ZNF730: variants seen among roughly 807,000 people sequenced by gnomAD.
ZNF730 encodes the protein putative zinc finger protein 730.
Under a neutral mutation model 12.6 loss-of-function variants are expected in ZNF730, and 12 were observed. That is an observed-to-expected ratio of 0.95 (90% confidence interval 0.61 to 1.54). ZNF730 has a LOEUF of 1.54. ZNF730 is among the 40% of genes most tolerant of loss of function. The probability of loss-of-function intolerance (pLI) is 0.00; values close to 1 mark genes in which losing one functional copy is unlikely to be tolerated. For missense variants in ZNF730, 643 were observed against 583.5 expected (o/e 1.10, Z -1.05); for synonymous variants, 194 against 195.8 (o/e 0.99, Z 0.08).
At chr19:23,108,180 T>G (rs537540861) in intron 1 of ZNF730, among the ~76,000 whole-genome samples, 39 of 152,300 alleles carry the variant, frequency 2.6e-4, no homozygotes, top group African/African-American at 9.4e-4. Context: ...CCTAAAAATG[T>G]TAATTTACAG....
rs565108577 is a variant in ZNF730, at chr19:23,085,358, G to T, written c.-94+9971G>T. Among the ~76,000 whole-genome samples, 7 of 149,712 alleles carry T rather than the reference G, an allele frequency of 4.7e-5. No individual in the cohort carries two copies. In the East Asian group the frequency reaches 6.0e-4, roughly 13 times the overall value. ...TCATGTCCTTTACCCATCTTTTTTT[G>T]CTTTTTTTCTTTTTTTTTAAGTAGA... On this transcript the variant is annotated intron_variant, in intron 1 of 2. Transcript: ENST00000593635.
intron 1 of ZNF730, chr19:23,126,432 CTCAGAAAAAGAGTAGATCCATTTTG>C (rs1248950635): frequency 3.2e-6 from 1 of 311,304 alleles, no homozygotes; most frequent in African/African-American, 2.2e-5. Context: ...CTCCATGCTT[CTCAGAAAAAGAGTAGATCCATTTTG>C]TCAGCTGTTT....
At chr19:23,120,339 C>T (rs552244860) in intron 1 of ZNF730, among the ~76,000 whole-genome samples, 3 of 151,916 alleles carry the variant, frequency 2.0e-5, no homozygotes, top group Non-Finnish European at 4.4e-5. Context: ...ACTACTATTT[C>T]AATTTTGGAG....
At chr19:23,122,096 T>G (rs568819188) in intron 1 of ZNF730, among the ~76,000 whole-genome samples, 1 of 151,762 alleles carries the variant, frequency 6.6e-6, no homozygotes, top group East Asian at 1.9e-4. Context: ...TATTTTCATT[T>G]TTAGTCTTTT....
Position 23,082,512 on chromosome 19 carries a change from A to G in ZNF730, c.-94+7125A>G, listed in dbSNP as rs573741344. ...CAGGCGCCCGCCTCCATGCCCAGCT[A>G]ATTTTTTGTATTTCAGTAGAGACAG... On this transcript the variant is annotated intron_variant, in intron 1 of 2. Transcript: ENST00000593635. Among the ~76,000 whole-genome samples the G allele has an allele frequency of 5.9e-5, 9 of 151,454 alleles. No homozygotes were observed. In the East Asian group the frequency reaches 1.4e-3, roughly 23 times the overall value.
chr19:23,081,031 A>T (rs149270062), intron 1 of ZNF730, among the ~76,000 whole-genome samples: 1 of 150,700 alleles, frequency 6.6e-6, no homozygotes, highest in African/African-American at 2.4e-5. Flanking sequence ...TTTTTCGTAG[A>T]TACAGTGTTT....
chr19:23,094,363 T>C (rs560104244), intron 1 of ZNF730, among the ~76,000 whole-genome samples: 13 of 141,048 alleles, frequency 9.2e-5, no homozygotes, highest in African/African-American at 2.9e-4. Flanking sequence ...TGGCTCTATC[T>C]ATCTATCTAT....
At chr19:23,089,522 T>G (rs115007743) in intron 1 of ZNF730, among the ~76,000 whole-genome samples, 3 of 152,240 alleles carry the variant, frequency 2.0e-5, no homozygotes, top group African/African-American at 7.2e-5. Flanking sequence ...TCCTGTAGTA[T>G]TCTCGTGATA....
intron 1 of ZNF730, among the ~76,000 whole-genome samples, chr19:23,120,596 T>C (rs1167137476): frequency 6.6e-6 from 1 of 152,062 alleles, no homozygotes; most frequent in East Asian, 1.9e-4. Context: ...ATTAATCTTA[T>C]TAACTTTGTT....
chr19:23,117,533 T>C (rs1970547072), intron 1 of ZNF730, among the ~76,000 whole-genome samples: 1 of 152,236 alleles, frequency 6.6e-6, no homozygotes, highest in Non-Finnish European at 1.5e-5. Context: ...AGCTTTGGTC[T>C]GTGGCGTTCC....
At chr19:23,137,019 A>T (rs553853617) in intron 3 of ZNF730, among the ~76,000 whole-genome samples, 2 of 152,100 alleles carry the variant, frequency 1.3e-5, no homozygotes, top group East Asian at 3.9e-4. Flanking sequence ...AAATACAAAA[A>T]ATTAGCCGGA....
At chr19:23,108,737 CT>C (rs11302318) in intron 1 of ZNF730, among the ~76,000 whole-genome samples, 55,193 of 150,180 alleles carry the variant, frequency 0.37, 11,097 homozygotes, top group African/African-American at 0.55. Flanking sequence ...TACAAATTGT[CT>C]TTTTTTTTTG....
At chr19:23,107,475 A>AAAAAAAAC (rs752480467) in intron 1 of ZNF730, among the ~76,000 whole-genome samples, 1,397 of 118,666 alleles carry the variant, frequency 0.012, 29 homozygotes, top group Non-Finnish European at 0.021. Flanking sequence ...AAAAAAAAAA[A>AAAAAAAAC]CCACCACAGC....
chr19:23,142,000 T>C lies in ZNF730; in HGVS notation c.227-3271T>C, dbSNP rs182849917. On this transcript the variant is annotated intron_variant, in intron 3 of 3. Coordinates refer to ENST00000597761, the MANE Select transcript of ZNF730 (RefSeq NM_001277403.2). ...TTCTTTTATTCTGTCGATATTTGCT[T>C]TATATGTTTAGAGCCCTAATGTGAG... Among the ~76,000 whole-genome samples, 294 of 152,264 alleles carry C rather than the reference T, an allele frequency of 1.9e-3. 3 individuals carry two copies. The highest frequency in any genetic ancestry group is 6.3e-3 in the African/African-American group (263 of 41,562).
chr19:23,097,984 C>A (rs986607521), intron 1 of ZNF730, among the ~76,000 whole-genome samples: 1 of 151,826 alleles, frequency 6.6e-6, no homozygotes, highest in Non-Finnish European at 1.5e-5. Flanking sequence ...ACCAAAAATA[C>A]AAAGAAAAAA....
At chr19:23,077,470 C>G (rs576176180) in intron 1 of ZNF730, among the ~76,000 whole-genome samples, 20 of 106,438 alleles carry the variant, frequency 1.9e-4, no homozygotes, top group Admixed American at 4.5e-4. Flanking sequence ...TGGCGTTTCA[C>G]TCTGTCACCC....
At chr19:23,126,405 G>A (rs1175801295) in intron 1 of ZNF730, among the ~76,000 whole-genome samples, 2 of 152,184 alleles carry the variant, frequency 1.3e-5, no homozygotes, top group Non-Finnish European at 2.9e-5. Context: ...GACTGGCATC[G>A]CCTGTACATG....
In ZNF730 at chr19:23,088,433, G is replaced by C. The variant is rs114416636; in HGVS notation, c.-94+13046G>C. ...TTGAGATATATTTTTTCAATACCTT[G>C]TTTATTGAGAGGGGTTTTTTTGTTT... On this transcript the variant is annotated intron_variant, in intron 1 of 2. Coordinates refer to the ZNF730 transcript ENST00000593635. 5.8e-3 allele frequency among the ~76,000 whole-genome samples: 877 copies of C among 152,092 alleles called. 7 individuals carry two copies. The highest frequency in any genetic ancestry group is 0.02 in the African/African-American group (827 of 41,510).
chr19:23,146,928 C>A lies in ZNF730; in HGVS notation c.*372C>A. On this transcript the variant is annotated 3_prime_UTR_variant, in exon 4 of 4. Transcript: ENST00000597761. ...ACAGTGCTTTTGACAACACCTCAAA[C>A]TTTTCCAGATGTCAAAGAAATGCTG... is the stretch of plus-strand genomic sequence containing the variant. 1 of 432,578 alleles carries A rather than the reference C, an allele frequency of 2.3e-6. No individual in the cohort carries two copies. Among genetic ancestry groups the A allele is most frequent in the Non-Finnish European group, 4.3e-6 (1 of 234,652 alleles). 26.8% of individuals were successfully genotyped at this position (432,578 alleles called of 1,614,324 possible).
Sources: allele counts gnomAD v4.1 joint callset (sites outside exome capture counted in the v4.1 genomes callset), GRCh38; gene constraint gnomAD v4.1.1; transcripts MANE v1.5; gene names NCBI Gene and HGNC (gene_info 2026-07-23, HGNC 2026-07-21).